RANBP2: variants seen among roughly 807,000 people sequenced by gnomAD.
RANBP2 encodes RAN binding protein 2, also known as E3 SUMO-protein ligase RanBP2.
Under a neutral mutation model 303.6 loss-of-function variants are expected in RANBP2, and 57 were observed. The ratio of observed to expected loss-of-function variants is 0.19; its 90% CI spans 0.15 to 0.23. The LOEUF (loss-of-function observed/expected upper bound fraction) is 0.23, where lower values mean the gene tolerates loss of function less well. RANBP2 is among the 10% of genes least tolerant of loss of function. The pLI is 1.00. For synonymous variants in RANBP2, 1,167 were observed against 1,301.5 expected (o/e 0.90, Z 2.23); for missense variants, 3,138 against 3,780.8 (o/e 0.83, Z 4.46).
At chr2:108,967,575 C>T in the RANBP2 span, among the ~76,000 whole-genome samples, 1 of 152,100 alleles carries the variant, frequency 6.6e-6, no homozygotes, top group Non-Finnish European at 1.5e-5. Flanking sequence ...TCTGCCAAGA[C>T]GGGGTGGCTA....
chr2:108,916,556 C>T, the RANBP2 span, among the ~76,000 whole-genome samples: 5 of 152,160 alleles, frequency 3.3e-5, no homozygotes, highest in African/African-American at 9.7e-5. Flanking sequence ...TCCTGATCAC[C>T]GGATGGTTCC....
rs1695499280 is a variant in RANBP2, at chr2:108,735,487, G to C, written c.406-45G>C. 6 of 1,596,820 alleles carry C rather than the reference G, an allele frequency of 3.8e-6. No homozygotes were observed. The East Asian group carries it at 1.3e-4, about 36-fold the overall frequency. On this transcript the variant is annotated intron_variant, in intron 4 of 28. Coordinates refer to ENST00000283195, the MANE Select transcript of RANBP2 (RefSeq NM_006267.5). ...TTGGGAGCATGACTTGTTTAAAATT[G>C]CACAAGTGTTACTCTAATAATTTTT...
chr2:108,978,531 A>G, the RANBP2 span, among the ~76,000 whole-genome samples: 1 of 152,260 alleles, frequency 6.6e-6, no homozygotes, highest in Admixed American at 6.5e-5. Context: ...GGGAACATGC[A>G]GATCCTCCCA....
At chr2:109,367,735 C>G in the RANBP2 span, among the ~76,000 whole-genome samples, 1 of 152,106 alleles carries the variant, frequency 6.6e-6, no homozygotes, top group Non-Finnish European at 1.5e-5. Flanking sequence ...TAGTTTTTCT[C>G]TAGTTTAACA....
At chr2:108,731,696 A>G (rs937689266) in intron 4 of RANBP2, 3 of 894,186 alleles carry the variant, frequency 3.4e-6, no homozygotes, top group Non-Finnish European at 4.7e-6. Flanking sequence ...TGGAATAATT[A>G]ATATTTTAGG....
At chr2:109,426,934 A>C in the RANBP2 span, among the ~76,000 whole-genome samples, 1 of 151,760 alleles carries the variant, frequency 6.6e-6, no homozygotes, top group Non-Finnish European at 1.5e-5. Flanking sequence ...CTGAAGGCTC[A>C]GATGATCATT....
chr2:109,017,648 CAATT>C, the RANBP2 span, among the ~76,000 whole-genome samples: 4 of 152,058 alleles, frequency 2.6e-5, no homozygotes, highest in African/African-American at 9.7e-5. Flanking sequence ...TTTTTTGTAA[CAATT>C]TATTTATTTT....
At chr2:109,457,561 G>A in the RANBP2 span, among the ~76,000 whole-genome samples, 3 of 152,216 alleles carry the variant, frequency 2.0e-5, no homozygotes, top group African/African-American at 7.2e-5. Flanking sequence ...AGTGCCACAC[G>A]AGCTGAACAA....
chr2:108,798,386 T>C, the RANBP2 span: 1 of 1,577,680 alleles, frequency 6.3e-7, no homozygotes, highest in Non-Finnish European at 8.6e-7. Flanking sequence ...TTGCAGAATT[T>C]GTGACTTTTC....
the RANBP2 span, among the ~76,000 whole-genome samples, chr2:108,953,378 T>C: frequency 2.0e-5 from 3 of 152,202 alleles, no homozygotes; most frequent in Non-Finnish European, 4.4e-5. Context: ...TCTGGTATCC[T>C]GTTCCACAAA....
the RANBP2 span, among the ~76,000 whole-genome samples, chr2:109,170,276 TCTC>T: frequency 4.6e-4 from 58 of 125,924 alleles, no homozygotes; most frequent in African/African-American, 1.3e-3. Context: ...TCTCTTCTCT[TCTC>T]TTCTCTTCTC....
the RANBP2 span, among the ~76,000 whole-genome samples, chr2:109,324,011 G>A: frequency 1.3e-5 from 2 of 152,120 alleles, no homozygotes; most frequent in African/African-American, 2.4e-5. Context: ...TGTAATTTCT[G>A]TCCCTGTGGA....
chr2:109,671,717 AG>A, the RANBP2 span, among the ~76,000 whole-genome samples: 1 of 152,166 alleles, frequency 6.6e-6, no homozygotes, highest in Non-Finnish European at 1.5e-5. Flanking sequence ...TGAATCAGGA[AG>A]GGGAAAAAAG....
At chr2:109,566,580 G>A in the RANBP2 span, among the ~76,000 whole-genome samples, 4 of 152,130 alleles carry the variant, frequency 2.6e-5, no homozygotes, top group African/African-American at 7.2e-5. Context: ...GTATGTGGGT[G>A]TATAGATATG....
chr2:109,258,732 C>CA, the RANBP2 span, among the ~76,000 whole-genome samples: 1 of 152,238 alleles, frequency 6.6e-6, no homozygotes, highest in African/African-American at 2.4e-5. Flanking sequence ...GTTATTCAGA[C>CA]ATATAATACG....
rs765704474 is a variant in RANBP2 at position 108,755,164 on chromosome 2, A to T, written c.2383-12A>T. On this transcript the variant is annotated splice_polypyrimidine_tract_variant and intron_variant, in intron 16 of 28. Coordinates refer to ENST00000283195, the MANE Select transcript of RANBP2 (RefSeq NM_006267.5). ...TTTTAAATGCTGTTTTGTTATTTTTATTTTTTTTTAGTATTCTCCCAAAAC... is the reference window on the plus strand; with the variant it reads ...TTTTAAATGCTGTTTTGTTATTTTTTTTTTTTTTTAGTATTCTCCCAAAAC... The T allele has an allele frequency of 3.7e-6, 6 of 1,609,518 alleles. No individual in the cohort carries two copies. The Admixed American group carries it at 6.7e-5, about 18-fold the overall frequency.
chr2:109,310,634 A>G, the RANBP2 span, among the ~76,000 whole-genome samples: 1 of 67,862 alleles, frequency 1.5e-5, no homozygotes, highest in Non-Finnish European at 2.4e-5. Context: ...AATCAAATAG[A>G]CACAATAAAA....
chr2:109,027,259 A>C, the RANBP2 span, among the ~76,000 whole-genome samples: 973 of 151,408 alleles, frequency 6.4e-3, 28 homozygotes, highest in East Asian at 0.073. Flanking sequence ...AAAAAAAAAA[A>C]AAAAACAAGG....
the RANBP2 span, among the ~76,000 whole-genome samples, chr2:109,533,914 C>G: frequency 1.3e-5 from 2 of 152,138 alleles, no homozygotes; most frequent in Non-Finnish European, 1.5e-5. Context: ...GTGGAGTGGC[C>G]CCTAGCACTG....
Sources: gnomAD v4.1 joint callset for allele counts (sites outside exome capture counted in the v4.1 genomes callset) on GRCh38, gnomAD v4.1.1 for gene constraint, MANE v1.5 for transcripts, NCBI Gene and HGNC (gene_info 2026-07-23, HGNC 2026-07-21) for gene names.